The following FAM110B variants were observed in gnomAD, a reference collection of about 807,000 sequenced individuals.
FAM110B encodes the protein protein FAM110B.
Under a neutral mutation model 20.4 loss-of-function variants are expected in FAM110B, and 6 were observed. The observed-to-expected ratio is 0.29, with a 90% confidence interval of 0.16 to 0.58. FAM110B has a LOEUF of 0.58. Ranked by LOEUF, FAM110B falls within the 20% of genes least tolerant of loss-of-function variation. FAM110B has a pLI of 0.90. For synonymous variants in FAM110B, 226 were observed against 214.1 expected, an observed-to-expected ratio of 1.06 and a Z score of -0.49; for missense variants, 434 against 498.2, an observed-to-expected ratio of 0.87 and a Z score of 1.23.
chr8:58,125,499 A>G (rs1563378727), intron 3 of FAM110B, among the ~76,000 whole-genome samples: 1 of 152,244 alleles, frequency 6.6e-6, no homozygotes, highest in African/African-American at 2.4e-5. Flanking sequence ...AGTACTATTT[A>G]AAAAACATTT....
At chr8:58,101,017 G>GA (rs202223281) in intron 3 of FAM110B, 25 of 149,088 alleles carry the variant, frequency 1.7e-4, no homozygotes, top group Middle Eastern at 3.2e-3. Flanking sequence ...ACTAAAAATA[G>GA]AAAAAAAAAA....
intron 3 of FAM110B, among the ~76,000 whole-genome samples, chr8:58,109,506 A>G (rs1288261681): frequency 2.6e-5 from 4 of 152,182 alleles, no homozygotes; most frequent in Non-Finnish European, 5.9e-5. Context: ...TTCCTATGAT[A>G]CTGATCCTGC....
At chr8:58,083,842 T>A (rs2150598851) in intron 3 of FAM110B, among the ~76,000 whole-genome samples, 1 of 152,266 alleles carries the variant, frequency 6.6e-6, no homozygotes, top group South Asian at 2.1e-4. Context: ...GGATAAACAC[T>A]CTATATTTGA....
chr8:58,133,449 T>TC (rs1803533468), intron 3 of FAM110B, among the ~76,000 whole-genome samples: 1 of 152,186 alleles, frequency 6.6e-6, no homozygotes, highest in South Asian at 2.1e-4. Context: ...CGGTGTCCCA[T>TC]CCTTGGGGAA....
intron 2 of FAM110B, among the ~76,000 whole-genome samples, chr8:58,062,757 C>T (rs1472202556): frequency 6.6e-6 from 1 of 152,154 alleles, no homozygotes; most frequent in South Asian, 2.1e-4. Flanking sequence ...AACTTTATAT[C>T]CAAAGAAATT....
chr8:58,115,335 T>A (rs2150622677), intron 3 of FAM110B, among the ~76,000 whole-genome samples: 1 of 152,316 alleles, frequency 6.6e-6, no homozygotes, highest in South Asian at 2.1e-4. Context: ...TGCAGAGACA[T>A]ACATACAAAC....
At chr8:57,998,440 C>T (rs1223055979) in intron 1 of FAM110B, among the ~76,000 whole-genome samples, 1 of 152,194 alleles carries the variant, frequency 6.6e-6, no homozygotes, top group African/African-American at 2.4e-5. Context: ...TTAAGTACAT[C>T]AGAGGGGATT....
intron 3 of FAM110B, among the ~76,000 whole-genome samples, chr8:58,109,389 G>A (rs556319448): frequency 2.0e-5 from 3 of 152,190 alleles, no homozygotes; most frequent in South Asian, 4.2e-4. Context: ...TAGCCATCAC[G>A]AGAACCTGTG....
At chr8:58,004,565 C>T (rs1026723378) in intron 1 of FAM110B, among the ~76,000 whole-genome samples, 5 of 152,116 alleles carry the variant, frequency 3.3e-5, no homozygotes, top group African/African-American at 7.2e-5. Context: ...GCCAACATGG[C>T]GAAACCCTGT....
intron 1 of FAM110B, among the ~76,000 whole-genome samples, chr8:58,004,249 C>T (rs1033880974): frequency 8.5e-5 from 13 of 152,148 alleles, no homozygotes; most frequent in Non-Finnish European, 1.8e-4. Context: ...GTTCCTAAAC[C>T]CAGGGATTGG....
chr8:57,999,514 A>G (rs1198481098), intron 1 of FAM110B, among the ~76,000 whole-genome samples: 1 of 151,346 alleles, frequency 6.6e-6, no homozygotes, highest in Admixed American at 6.6e-5. Context: ...CATTCTCGCC[A>G]GTGATTTTTT....
At chr8:58,087,099 G>A (rs547386148) in intron 3 of FAM110B, among the ~76,000 whole-genome samples, 48 of 152,294 alleles carry the variant, frequency 3.2e-4, no homozygotes, top group Non-Finnish European at 2.6e-4. Context: ...CACAGACTTC[G>A]GAGGTAAATA....
At chr8:58,132,178 T>A (rs1274499322) in intron 3 of FAM110B, among the ~76,000 whole-genome samples, 1 of 152,216 alleles carries the variant, frequency 6.6e-6, no homozygotes. Context: ...ATTTTTTATA[T>A]TTTATGAATG....
chr8:58,088,244 A>C (rs2150601669), intron 3 of FAM110B, among the ~76,000 whole-genome samples: 1 of 152,296 alleles, frequency 6.6e-6, no homozygotes, highest in African/African-American at 2.4e-5. Flanking sequence ...TAGTTTCTCC[A>C]TTGAACTTTA....
intron 3 of FAM110B, among the ~76,000 whole-genome samples, chr8:58,090,925 T>C (rs1806460737): frequency 2.6e-5 from 4 of 152,218 alleles, no homozygotes; most frequent in Non-Finnish European, 4.4e-5. Flanking sequence ...CAGTAGTAAA[T>C]ATAGCAGTTA....
At chr8:58,108,584 C>T (rs190263165) in intron 3 of FAM110B, among the ~76,000 whole-genome samples, 5 of 152,348 alleles carry the variant, frequency 3.3e-5, no homozygotes, top group African/African-American at 4.8e-5. Flanking sequence ...GCCTCCTGGC[C>T]TGGTCTCCTC....
Position 58,146,534 on chromosome 8 carries a change from G to A in FAM110B, c.304G>A (p.Gly102Ser), listed in dbSNP as rs1338712383. 2 of 1,613,942 alleles carry A rather than the reference G, an allele frequency of 1.2e-6. No homozygotes were observed. Among genetic ancestry groups the A allele is most frequent in the South Asian group, 1.1e-5 (1 of 91,090 alleles). The change falls in exon 4 of 4, where the codon GGC (glycine) becomes AGC (serine). Residue 102 changes from glycine to serine, a missense_variant. Transcript: ENST00000519262. ...GGGCAGCCCCACGCTCAAAGTGTTC[G>A]GCAACCACGCCAAGACCGAGAGCGG... The part of the protein sequence containing the change: ...ALGSPTLKVF[G>S]NHAKTESGVQ...
At chr8:58,060,131 T>C (rs1231979338) in intron 2 of FAM110B, among the ~76,000 whole-genome samples, 11 of 152,196 alleles carry the variant, frequency 7.2e-5, no homozygotes, top group African/African-American at 2.7e-4. Context: ...GATTACAGTG[T>C]CTTTATGGAA....
At chr8:58,019,018 T>G (rs1003945126) in intron 1 of FAM110B, among the ~76,000 whole-genome samples, 2 of 152,176 alleles carry the variant, frequency 1.3e-5, no homozygotes, top group African/African-American at 2.4e-5. Context: ...TTTTTACTTT[T>G]CAGCCAAATA....
Sources: allele counts gnomAD v4.1 joint callset (sites outside exome capture counted in the v4.1 genomes callset), GRCh38; gene constraint gnomAD v4.1.1; transcripts MANE v1.5; gene names NCBI Gene and HGNC (gene_info 2026-07-23, HGNC 2026-07-21).